Variants in RPS6KA5 observed in about 807,000 individuals in gnomAD.
RPS6KA5 encodes the protein ribosomal protein S6 kinase alpha-5.
RPS6KA5 carries 27 observed loss-of-function variants against 85.5 expected under a neutral mutation model. The observed-to-expected ratio is 0.32, with a 90% CI of 0.23 to 0.44. RPS6KA5 has a LOEUF of 0.44. RPS6KA5 is among the 20% of genes least tolerant of loss of function. RPS6KA5 has a pLI of 1.00. For missense variants in RPS6KA5, 811 were observed against 980.9 expected (o/e 0.83, Z 2.31); for synonymous variants, 334 against 348.2 (o/e 0.96, Z 0.46).
intron 1 of RPS6KA5, chr14:91,052,426 A>G: frequency 3.0e-6 from 1 of 335,374 alleles, no homozygotes; most frequent in South Asian, 2.2e-5. Flanking sequence ...CGAGATCAGC[A>G]CCACACTCCA....
In RPS6KA5 at chr14:90,899,811, C is replaced by T. The variant is rs2035057596; in HGVS notation, c.1379+297G>A. ...TCAAATACACAACTAGTAGAAATGG[C>T]AATGGCTGCCAAAATCACTATGTGA... On this transcript the variant is annotated intron_variant, in intron 11 of 16. Transcript: ENST00000614987. 2.6e-5 allele frequency among the ~76,000 whole-genome samples: 4 copies of T among 152,156 alleles called. No individual in the cohort carries two copies. In the South Asian group the frequency reaches 8.3e-4, roughly 32 times the overall value.
At chr14:90,978,674 T>G in intron 2 of RPS6KA5, 150 bp from the exon 3 acceptor site, 1 of 590,840 alleles carries the variant, frequency 1.7e-6, no homozygotes, top group Non-Finnish European at 2.9e-6. Context: ...ATTTGATAGA[T>G]TTCTTCAATT....
chr14:91,033,012 C>A, intron 1 of RPS6KA5, among the ~76,000 whole-genome samples: 1 of 151,614 alleles, frequency 6.6e-6, no homozygotes, highest in South Asian at 2.1e-4. Flanking sequence ...GGTGAAACTC[C>A]GTCTCTACTA....
intron 1 of RPS6KA5, among the ~76,000 whole-genome samples, chr14:91,007,031 C>T (rs1168125308): frequency 6.6e-6 from 1 of 152,196 alleles, no homozygotes; most frequent in Non-Finnish European, 1.5e-5. Context: ...TGGATGTTTG[C>T]ACAACTCTTA....
chr14:90,848,656 TAG>T lies in RPS6KA5; in HGVS notation c.*23416_*23417del, dbSNP rs1289965281. 6.6e-6 allele frequency: 1 copy of T among 152,086 alleles called. No individual in the cohort carries two copies. Among genetic ancestry groups the T allele is most frequent in the African/African-American group, 2.4e-5 (1 of 41,406 alleles). The allele number at this position is 152,086 out of a possible 1,614,324, so 9.4% of individuals were successfully genotyped here. A position where few individuals can be genotyped will look rare whatever the true frequency, so the allele number is the denominator to read the frequency against. On this transcript the variant is annotated 3_prime_UTR_variant, in exon 17 of 17. Coordinates refer to ENST00000614987, the MANE Select transcript of RPS6KA5 (RefSeq NM_004755.4). ...TGTTCAGAATGTCCTTATGTTCTTCTAGAGAGACTTAGAAAAAAAAAGCCATG... is the reference window on the plus strand; with the variant it reads ...TGTTCAGAATGTCCTTATGTTCTTCTAGAGACTTAGAAAAAAAAAGCCATG...
chr14:90,931,386 G>C (rs940404986), intron 5 of RPS6KA5, among the ~76,000 whole-genome samples: 1 of 148,986 alleles, frequency 6.7e-6, no homozygotes, highest in African/African-American at 2.6e-5. Flanking sequence ...TTAGGGGACG[G>C]GGGAAAAGGT....
At chr14:90,988,358 A>T (rs1232803145) in intron 2 of RPS6KA5, among the ~76,000 whole-genome samples, 1 of 152,234 alleles carries the variant, frequency 6.6e-6, no homozygotes, top group African/African-American at 2.4e-5. Context: ...CCCCAATAAT[A>T]GCTAAAACTG....
At chr14:90,939,430 AC>A (rs2037452311) in intron 5 of RPS6KA5, among the ~76,000 whole-genome samples, 1 of 152,118 alleles carries the variant, frequency 6.6e-6, no homozygotes, top group Admixed American at 6.6e-5. Flanking sequence ...TTTCAGCAGC[AC>A]CCCACTCGTG....
At chr14:90,873,040 A>G (rs1367581586) in intron 16 of RPS6KA5, among the ~76,000 whole-genome samples, 1 of 152,108 alleles carries the variant, frequency 6.6e-6, no homozygotes, top group African/African-American at 2.4e-5. Context: ...CACTATCCCT[A>G]TACCTTCTCC....
intron 1 of RPS6KA5, among the ~76,000 whole-genome samples, chr14:91,049,088 G>A (rs1233449911): frequency 2.0e-5 from 3 of 152,120 alleles, no homozygotes; most frequent in Non-Finnish European, 4.4e-5. Context: ...AATCCCCCTT[G>A]ACAGAAGGGA....
chr14:90,910,847 G>A (rs531248783), intron 7 of RPS6KA5, among the ~76,000 whole-genome samples: 79 of 151,938 alleles, frequency 5.2e-4, no homozygotes, highest in Admixed American at 3.4e-3. Flanking sequence ...CACCACGCCC[G>A]GCTAATTTTT....
chr14:91,038,862 A>G (rs1005570361), intron 1 of RPS6KA5, among the ~76,000 whole-genome samples: 1 of 152,166 alleles, frequency 6.6e-6, no homozygotes, highest in Admixed American at 6.5e-5. Context: ...CCCACCACAG[A>G]AGGTATACAG....
chr14:91,054,984 T>C (rs193278201), intron 1 of RPS6KA5, among the ~76,000 whole-genome samples: 40 of 152,206 alleles, frequency 2.6e-4, no homozygotes, highest in African/African-American at 7.7e-4. Context: ...AATTTTAAAC[T>C]GGGCAAAGGA....
In RPS6KA5 at chr14:90,855,186, G is replaced by A. The variant is rs1460344917; in HGVS notation, c.*16888C>T. The A allele has an allele frequency of 6.6e-6, 1 of 152,148 alleles. No homozygotes were observed. Among genetic ancestry groups the A allele is most frequent in the East Asian group, 1.9e-4 (1 of 5,196 alleles). 9.4% of individuals were successfully genotyped at this position (152,148 alleles called of 1,614,324 possible). On this transcript the variant is annotated 3_prime_UTR_variant, in exon 17 of 17. Coordinates refer to ENST00000614987, the MANE Select transcript of RPS6KA5 (RefSeq NM_004755.4). Reference sequence around the variant, plus strand: ...TCAAATGTATATGATGGGGCTAAGGGAGACATAGCTTCTGACTACTTAGTA... The same window carrying A: ...TCAAATGTATATGATGGGGCTAAGGAAGACATAGCTTCTGACTACTTAGTA...
At chr14:91,042,276 C>T (rs536549367) in intron 1 of RPS6KA5, among the ~76,000 whole-genome samples, 22 of 152,034 alleles carry the variant, frequency 1.4e-4, no homozygotes, top group Non-Finnish European at 2.4e-4. Flanking sequence ...TTTGGGAGGC[C>T]GAGGTGGGTG....
chr14:91,017,453 G>A (rs986370725), intron 1 of RPS6KA5, among the ~76,000 whole-genome samples: 39 of 152,188 alleles, frequency 2.6e-4, no homozygotes, highest in African/African-American at 9.2e-4. Flanking sequence ...GTGACAGTAG[G>A]CCCACACTCA....
intron 1 of RPS6KA5, among the ~76,000 whole-genome samples, chr14:91,032,388 C>T (rs897758368): frequency 6.6e-6 from 1 of 152,118 alleles, no homozygotes; most frequent in African/African-American, 2.4e-5. Context: ...TTAGTTAAGC[C>T]ACTGTAGTTG....
chr14:90,929,401 T>C (rs1446346158), intron 5 of RPS6KA5, among the ~76,000 whole-genome samples: 2 of 152,132 alleles, frequency 1.3e-5, no homozygotes, highest in African/African-American at 4.8e-5. Flanking sequence ...AGTCAATCTA[T>C]AAATTTGTGC....
chr14:90,953,862 T>C (rs2038358475), intron 3 of RPS6KA5, among the ~76,000 whole-genome samples: 1 of 152,224 alleles, frequency 6.6e-6, no homozygotes, highest in South Asian at 2.1e-4. Flanking sequence ...TTAAGATGTT[T>C]ATCAAGACAA....
Sources: allele counts gnomAD v4.1 joint callset (sites outside exome capture counted in the v4.1 genomes callset), GRCh38; gene constraint gnomAD v4.1.1; transcripts MANE v1.5; gene names NCBI Gene and HGNC (gene_info 2026-07-23, HGNC 2026-07-21).